The following GPC3 variants were observed in gnomAD, a reference collection of about 807,000 sequenced individuals.
The protein encoded by GPC3 is glypican-3.
In GPC3, 3 loss-of-function variants were observed where a neutral mutation model predicts 34.4. That is an observed-to-expected ratio of 0.09 (90% CI 0.04 to 0.23). GPC3 has a LOEUF of 0.23. Ranked by LOEUF, GPC3 falls within the 10% of genes least tolerant of loss-of-function variation. GPC3 has a pLI of 1.00. For missense variants in GPC3, 351 were observed against 445.6 expected, an observed-to-expected ratio of 0.79 and a Z score of 1.91; for synonymous variants, 177 against 174.0, an observed-to-expected ratio of 1.02 and a Z score of -0.13.
chrX:133,640,428 G>A (rs17277770), intron 6 of GPC3, among the ~76,000 whole-genome samples: 3,498 of 111,624 alleles, frequency 0.031, 94 homozygotes, highest in South Asian at 0.18. Context: ...ATTTGTGGAG[G>A]AATCTGCTGT....
chrX:133,954,092 G>A (rs1043046259), intron 1 of GPC3, among the ~76,000 whole-genome samples: 5 of 111,924 alleles, frequency 4.5e-5, no homozygotes, highest in African/African-American at 9.8e-5. Context: ...CTATGGTTCC[G>A]TTTATACAAA....
chrX:133,542,809 C>T (rs1173123807), intron 7 of GPC3, among the ~76,000 whole-genome samples: 1 of 111,797 alleles, frequency 8.9e-6, no homozygotes, highest in East Asian at 2.8e-4. Flanking sequence ...ATACTGCTCA[C>T]TCTGCTGGCT....
At chrX:133,657,779 A>G (rs2070677949) in intron 6 of GPC3, among the ~76,000 whole-genome samples, 3 of 110,785 alleles carry the variant, frequency 2.7e-5, no homozygotes, top group Non-Finnish European at 5.7e-5. Context: ...AACAGTAACC[A>G]TAACCTGCAA....
intron 2 of GPC3, among the ~76,000 whole-genome samples, chrX:133,866,263 G>A (rs2075966354): frequency 8.9e-6 from 1 of 111,887 alleles, no homozygotes; most frequent in Non-Finnish European, 1.9e-5. Context: ...GTGCACAACT[G>A]AGCATTAGGT....
At chrX:133,558,908 T>TAAATAAATAAATAAATAAATAAATATAA (rs1279131743) in intron 7 of GPC3, among the ~76,000 whole-genome samples, 6 of 92,521 alleles carry the variant, frequency 6.5e-5, no homozygotes, top group African/African-American at 3.2e-4. Context: ...AGTAAGTAAA[T>TAAATAAATAAATAAATAAATAAATATAA]AAATAAATAA....
At chrX:133,835,715 A>C (rs1472017125) in intron 2 of GPC3, among the ~76,000 whole-genome samples, 1 of 112,676 alleles carries the variant, frequency 8.9e-6, no homozygotes, top group African/African-American at 3.2e-5. Context: ...AAATAGTCTA[A>C]AATATGCACT....
intron 2 of GPC3, among the ~76,000 whole-genome samples, chrX:133,940,546 A>G (rs1483831380): frequency 9.0e-6 from 1 of 111,614 alleles, no homozygotes; most frequent in East Asian, 2.8e-4. Context: ...AGCACATAGT[A>G]CACTTTTAGT....
chrX:133,884,550 G>A (rs927086306), intron 2 of GPC3, among the ~76,000 whole-genome samples: 2 of 111,440 alleles, frequency 1.8e-5, no homozygotes, highest in Non-Finnish European at 3.8e-5. Flanking sequence ...GTTTGAGATA[G>A]TTATTACTCC....
At chrX:133,632,098 A>C (rs1447983768) in intron 6 of GPC3, among the ~76,000 whole-genome samples, 7 of 110,100 alleles carry the variant, frequency 6.4e-5, no homozygotes, top group African/African-American at 1.7e-4. Context: ...CACTTTAAAA[A>C]TTTTTTAAAA....
chrX:133,668,239 C>T (rs2070789249), intron 5 of GPC3, among the ~76,000 whole-genome samples: 1 of 111,567 alleles, frequency 9.0e-6, no homozygotes, highest in Admixed American at 9.5e-5. Context: ...GTAACTCCGA[C>T]CTGCCTATTT....
intron 2 of GPC3, among the ~76,000 whole-genome samples, chrX:133,875,824 T>C (rs1238322192): frequency 9.0e-6 from 1 of 111,488 alleles, no homozygotes; most frequent in East Asian, 2.8e-4. Flanking sequence ...TGTTTCAAGA[T>C]GCCTACCATA....
chrX:133,944,320 T>C (rs1034758238), intron 2 of GPC3, among the ~76,000 whole-genome samples: 1 of 112,090 alleles, frequency 8.9e-6, no homozygotes, highest in South Asian at 3.7e-4. Flanking sequence ...AGAAATGCAA[T>C]CCAATAATGA....
intron 4 of GPC3, among the ~76,000 whole-genome samples, chrX:133,693,156 AGTGTGTGTGT>A (rs57735935): frequency 0.035 from 3,116 of 89,342 alleles, 96 homozygotes; most frequent in African/African-American, 0.092. Context: ...TAATAAGACA[AGTGTGTGTGT>A]GTGTGTGTGT....
At chrX:133,887,726 G>A (rs1362673288) in intron 2 of GPC3, among the ~76,000 whole-genome samples, 1 of 111,526 alleles carries the variant, frequency 9.0e-6, no homozygotes, top group Non-Finnish European at 1.9e-5. Context: ...CCTTACCAGA[G>A]GTATGACTTG....
intron 7 of GPC3, among the ~76,000 whole-genome samples, chrX:133,586,501 G>T (rs1319939537): frequency 8.9e-6 from 1 of 111,808 alleles, no homozygotes; most frequent in Non-Finnish European, 1.9e-5. Context: ...ATTGCTTGTA[G>T]CTCAGAGCGA....
intron 2 of GPC3, among the ~76,000 whole-genome samples, chrX:133,836,565 A>T (rs2075800260): frequency 9.0e-6 from 1 of 111,441 alleles, no homozygotes; most frequent in Non-Finnish European, 1.9e-5. Context: ...CAAGTTAGTT[A>T]TTTTTTTTAA....
chrX:133,835,501 A>G (rs2075795356), intron 2 of GPC3, among the ~76,000 whole-genome samples: 1 of 112,059 alleles, frequency 8.9e-6, no homozygotes, highest in Non-Finnish European at 1.9e-5. Flanking sequence ...ACTAATCCCA[A>G]AATTGCATAA....
At chrX:133,853,600 C>T (rs956354474) in intron 2 of GPC3, among the ~76,000 whole-genome samples, 3 of 112,280 alleles carry the variant, frequency 2.7e-5, no homozygotes, top group African/African-American at 9.7e-5. Context: ...TAACATTAAG[C>T]ATCTAGATGA....
At chrX:133,796,070 C>T (rs949716492) in intron 2 of GPC3, among the ~76,000 whole-genome samples, 4 of 107,648 alleles carry the variant, frequency 3.7e-5, no homozygotes, top group Non-Finnish European at 5.8e-5. Flanking sequence ...CTCAGCCTGC[C>T]GAGTAGCTGG....
Sources: allele counts gnomAD v4.1 joint callset (sites outside exome capture counted in the v4.1 genomes callset), GRCh38; gene constraint gnomAD v4.1.1; transcripts MANE v1.5; gene names NCBI Gene and HGNC (gene_info 2026-07-23, HGNC 2026-07-21).